CPA6: variants seen among roughly 807,000 people sequenced by gnomAD.
CPA6 encodes the protein carboxypeptidase A6, also known as carboxypeptidase B.
Under a neutral mutation model 63.3 loss-of-function variants are expected in CPA6, and 58 were observed. The ratio of observed to expected loss-of-function variants is 0.92; its 90% CI spans 0.74 to 1.14. The LOEUF is 1.14. CPA6 is among the 50% of genes most tolerant of loss of function. CPA6 has a pLI of 0.00. For synonymous variants in CPA6, 185 were observed against 179.0 expected (o/e 1.03, Z -0.27); for missense variants, 565 against 526.6 (o/e 1.07, Z -0.71).
intron 2 of CPA6, among the ~76,000 whole-genome samples, chr8:67,537,282 G>A (rs1013405722): frequency 1.3e-5 from 2 of 152,144 alleles, no homozygotes; most frequent in African/African-American, 4.8e-5. Flanking sequence ...ACCAGCTCCT[G>A]TTTGTATCTC....
At chr8:67,733,981 C>A (rs1195688248) in intron 1 of CPA6, among the ~76,000 whole-genome samples, 1 of 149,984 alleles carries the variant, frequency 6.7e-6, no homozygotes, top group Non-Finnish European at 1.5e-5. Flanking sequence ...CTCAAGTGAT[C>A]CTCCTGCCTT....
At chr8:67,686,030 T>C (rs1487380262) in intron 1 of CPA6, among the ~76,000 whole-genome samples, 1 of 152,214 alleles carries the variant, frequency 6.6e-6, no homozygotes, top group African/African-American at 2.4e-5. Flanking sequence ...AATTTGCTTC[T>C]TTTCTGCCAT....
intron 2 of CPA6, among the ~76,000 whole-genome samples, chr8:67,574,882 A>G (rs1813583528): frequency 6.6e-6 from 1 of 152,122 alleles, no homozygotes; most frequent in South Asian, 2.1e-4. Context: ...GCAAAAATAG[A>G]CAACTGGAAT....
intron 1 of CPA6, among the ~76,000 whole-genome samples, chr8:67,663,951 C>G (rs189423323): frequency 6.6e-6 from 1 of 152,120 alleles, no homozygotes; most frequent in East Asian, 1.9e-4. Context: ...GAAACCCCTT[C>G]CAAGATAGTG....
chr8:67,521,970 C>G (rs1414868538), intron 2 of CPA6, among the ~76,000 whole-genome samples: 3 of 152,022 alleles, frequency 2.0e-5, no homozygotes, highest in African/African-American at 7.3e-5. Flanking sequence ...CCTTATTGGT[C>G]AATATTTAAT....
intron 5 of CPA6, among the ~76,000 whole-genome samples, chr8:67,507,999 TTGTGTGTGTGTGTGTGTG>T (rs145996041): frequency 3.5e-4 from 50 of 142,396 alleles, no homozygotes; most frequent in African/African-American, 1.1e-3. Flanking sequence ...ATGGGGTGCT[TTGTGTGTGTGTGTGTGTG>T]TGTGTGTGTG....
At chr8:67,491,023 C>G (rs940063398) in intron 6 of CPA6, among the ~76,000 whole-genome samples, 1 of 151,954 alleles carries the variant, frequency 6.6e-6, no homozygotes, top group Admixed American at 6.6e-5. Context: ...ACTGGCAGAA[C>G]GAAGCCTGTT....
chr8:67,424,268 G>C (rs1418393506), intron 10 of CPA6, among the ~76,000 whole-genome samples: 11 of 152,138 alleles, frequency 7.2e-5, no homozygotes, highest in Non-Finnish European at 2.9e-5. Flanking sequence ...CGCAATGAAT[G>C]TAATGCATTT....
intron 8 of CPA6, among the ~76,000 whole-genome samples, chr8:67,479,639 T>C (rs1452380875): frequency 2.6e-5 from 4 of 152,212 alleles, no homozygotes; most frequent in East Asian, 1.9e-4. Context: ...CAAAGTTTAA[T>C]TGCAATCCGC....
chr8:67,712,145 A>T (rs1038161940), intron 1 of CPA6, among the ~76,000 whole-genome samples: 1 of 152,148 alleles, frequency 6.6e-6, no homozygotes, highest in Non-Finnish European at 1.5e-5. Context: ...GCAATCTTCC[A>T]TGGCCAAAGC....
At chr8:67,479,251 G>A (rs1347764896) in intron 8 of CPA6, among the ~76,000 whole-genome samples, 1 of 152,144 alleles carries the variant, frequency 6.6e-6, no homozygotes, top group Non-Finnish European at 1.5e-5. Flanking sequence ...ACTGAGGTTT[G>A]TCAACACACC....
chr8:67,473,829 A>G (rs1451121386), intron 8 of CPA6, among the ~76,000 whole-genome samples: 2 of 152,068 alleles, frequency 1.3e-5, no homozygotes, highest in East Asian at 1.9e-4. Context: ...CTGGTCTCGA[A>G]ATCCCGGGCT....
intron 1 of CPA6, among the ~76,000 whole-genome samples, chr8:67,685,344 G>A (rs184859793): frequency 1.3e-5 from 2 of 152,152 alleles, no homozygotes; most frequent in Admixed American, 6.5e-5. Flanking sequence ...CTGGCCGGGC[G>A]CAGTGGCTCA....
At chr8:67,435,458 G>A (rs566183818) in intron 8 of CPA6, among the ~76,000 whole-genome samples, 2 of 152,254 alleles carry the variant, frequency 1.3e-5, no homozygotes, top group South Asian at 4.1e-4. Flanking sequence ...ATCACACTCA[G>A]CCCCAGCCTC....
chr8:67,429,417 A>C (rs1587414831), intron 9 of CPA6, among the ~76,000 whole-genome samples: 1 of 152,280 alleles, frequency 6.6e-6, no homozygotes, highest in South Asian at 2.1e-4. Flanking sequence ...ATAATTTAAT[A>C]CTTAAATTGG....
At chr8:67,663,412 G>A (rs929488384) in intron 1 of CPA6, among the ~76,000 whole-genome samples, 1 of 151,904 alleles carries the variant, frequency 6.6e-6, no homozygotes, top group African/African-American at 2.4e-5. Context: ...GGATGTGCAG[G>A]TTTGTTACAT....
Position 67,478,136 on chromosome 8 carries a change from C to T in CPA6, c.838+5632G>A, listed in dbSNP as rs545839059. On this transcript the variant is annotated intron_variant, in intron 8 of 10. Coordinates refer to ENST00000297770, the MANE Select transcript of CPA6 (RefSeq NM_020361.5). The stretch of plus-strand genomic sequence containing the variant: ...TAAGGTTAAGCCAATCACCAATGGC[C>T]AGTGATTTAATCAAGCATGCCCACA... Among the ~76,000 whole-genome samples, 3 of 152,174 alleles carry T rather than the reference C, an allele frequency of 2.0e-5. No individual in the cohort carries two copies. In the South Asian group the frequency reaches 6.2e-4, roughly 32 times the overall value.
rs1814681737 is a variant in CPA6 at position 67,607,228 on chromosome 8, CTTCT to C, written c.192+16944_192+16947del. On this transcript the variant is annotated intron_variant, in intron 2 of 10. Coordinates refer to ENST00000297770, the MANE Select transcript of CPA6 (RefSeq NM_020361.5). ...TCTTCTTCTTCTTCTTCTTCTTCTT[CTTCT>C]TCTTCTTCTTCTTCTTCTTCTCCTC... 1.7e-5 allele frequency among the ~76,000 whole-genome samples: 2 copies of C among 116,108 alleles called. 1 individual carries two copies. Among genetic ancestry groups the C allele is most frequent in the African/African-American group, 7.0e-5 (2 of 28,378 alleles). The allele number at this position is 116,108 out of a possible 152,430, so 76.2% of individuals were successfully genotyped here. A position where few individuals can be genotyped will look rare whatever the true frequency, so the allele number is the denominator to read the frequency against.
At chr8:67,682,647 C>A (rs1359518223) in intron 1 of CPA6, among the ~76,000 whole-genome samples, 1 of 152,136 alleles carries the variant, frequency 6.6e-6, no homozygotes, top group Non-Finnish European at 1.5e-5. Flanking sequence ...AGTTTTTTTG[C>A]AGAACCAAAG....
Sources: allele counts gnomAD v4.1 joint callset (sites outside exome capture counted in the v4.1 genomes callset), GRCh38; gene constraint gnomAD v4.1.1; transcripts MANE v1.5; gene names NCBI Gene and HGNC (gene_info 2026-07-23, HGNC 2026-07-21).